Variants in IKZF2 observed in about 807,000 individuals in gnomAD.
The protein encoded by IKZF2 is IKAROS family zinc finger 2.
In IKZF2, 15 loss-of-function variants were observed where a neutral mutation model predicts 49.2. The observed-to-expected ratio is 0.30, with a 90% CI of 0.20 to 0.47. The LOEUF (loss-of-function observed/expected upper bound fraction) is 0.47, where lower values mean the gene tolerates loss of function less well. Among genes scored for constraint, IKZF2 ranks in the 20% least tolerant of loss-of-function variants. IKZF2 has a pLI of 1.00. For missense variants in IKZF2, 567 were observed against 664.6 expected (o/e 0.85, Z 1.61); for synonymous variants, 227 against 221.4 (o/e 1.03, Z -0.23).
At chr2:213,100,819 T>C (rs2125701405) in intron 4 of IKZF2, among the ~76,000 whole-genome samples, 1 of 152,190 alleles carries the variant, frequency 6.6e-6, no homozygotes, top group East Asian at 1.9e-4. Flanking sequence ...GAAGTCCCAA[T>C]ATTATAAATC....
intron 4 of IKZF2, among the ~76,000 whole-genome samples, chr2:213,062,599 G>A (rs1574681031): frequency 2.6e-5 from 4 of 151,946 alleles, no homozygotes; most frequent in East Asian, 1.9e-4. Flanking sequence ...GAAAAAAAGT[G>A]TATTTCAGGT....
At chr2:213,109,049 A>G (rs1311734028) in intron 4 of IKZF2, among the ~76,000 whole-genome samples, 1 of 152,092 alleles carries the variant, frequency 6.6e-6, no homozygotes, top group Non-Finnish European at 1.5e-5. Flanking sequence ...CTTAAAGCAC[A>G]TGGTTTTTAA....
chr2:213,108,708 C>T (rs1045648500), intron 4 of IKZF2, among the ~76,000 whole-genome samples: 2 of 152,220 alleles, frequency 1.3e-5, no homozygotes, highest in African/African-American at 2.4e-5. Context: ...AGGTTCTACT[C>T]ATCCTACAAT....
intron 4 of IKZF2, among the ~76,000 whole-genome samples, chr2:213,095,720 A>G (rs1406166229): frequency 6.6e-6 from 1 of 152,058 alleles, no homozygotes; most frequent in Non-Finnish European, 1.5e-5. Flanking sequence ...AGTTGAACAA[A>G]TTAACATTTC....
chr2:213,075,293 T>A (rs1272399171), intron 4 of IKZF2, among the ~76,000 whole-genome samples: 1 of 152,124 alleles, frequency 6.6e-6, no homozygotes. Flanking sequence ...GTGTTTATGT[T>A]CATTAGCAAA....
intron 4 of IKZF2, among the ~76,000 whole-genome samples, chr2:213,117,379 T>C (rs1207690284): frequency 6.6e-6 from 1 of 152,220 alleles, no homozygotes; most frequent in East Asian, 1.9e-4. Flanking sequence ...TCTTCAACCC[T>C]TTAGGGCTGA....
chr2:213,050,557 CT>C (rs1574632862), intron 5 of IKZF2, among the ~76,000 whole-genome samples: 2 of 152,234 alleles, frequency 1.3e-5, no homozygotes, highest in East Asian at 3.9e-4. Context: ...CTTGATTCTC[CT>C]GGTCACTAAT....
At chr2:213,087,501 T>A (rs917073005) in intron 4 of IKZF2, among the ~76,000 whole-genome samples, 6 of 152,196 alleles carry the variant, frequency 3.9e-5, no homozygotes, top group East Asian at 1.9e-4. Context: ...TACTAATTTA[T>A]TTTTTAATTA....
At chr2:213,148,777 T>C (rs1351552809) in intron 2 of IKZF2, 133 bp from the exon 3 acceptor site, 5 of 645,186 alleles carry the variant, frequency 7.7e-6, no homozygotes, top group Non-Finnish European at 1.4e-5. Context: ...ACATACACAG[T>C]GTACTGTATG....
At chr2:213,151,215 A>G (rs2061272722) in intron 1 of IKZF2, among the ~76,000 whole-genome samples, 198 bp downstream of exon 1, 1 of 151,914 alleles carries the variant, frequency 6.6e-6, no homozygotes, top group South Asian at 2.1e-4. Context: ...AAATACCTAT[A>G]TTATTATTAT....
chr2:213,044,969 T>C (rs1183151915), intron 6 of IKZF2, among the ~76,000 whole-genome samples: 1 of 152,160 alleles, frequency 6.6e-6, no homozygotes, highest in African/African-American at 2.4e-5. Context: ...ATAGTTAATA[T>C]ACATAAAACT....
intron 4 of IKZF2, among the ~76,000 whole-genome samples, chr2:213,061,560 A>G (rs939703216): frequency 6.6e-6 from 1 of 151,516 alleles, no homozygotes; most frequent in South Asian, 2.1e-4. Flanking sequence ...AATGCACAAC[A>G]GTCATTACAT....
intron 4 of IKZF2, among the ~76,000 whole-genome samples, chr2:213,144,537 T>C (rs1291175988): frequency 1.3e-5 from 2 of 151,954 alleles, no homozygotes; most frequent in African/African-American, 4.8e-5. Context: ...TTTCATCTGA[T>C]GGGCCGAAAT....
In IKZF2 at chr2:213,000,076, G is replaced by A. The variant is rs1277310706; in HGVS notation, c.*7284C>T. On this transcript the variant is annotated 3_prime_UTR_variant, in exon 9 of 9. Transcript: ENST00000434687. ...GTCTGCAGTGATAAAACTATTTAGC[G>A]GAGGTCTCCAAATCAGTATGTAGTA... The A allele has an allele frequency of 1.3e-5, 2 of 151,752 alleles. No homozygotes were observed. Among genetic ancestry groups the A allele is most frequent in the Non-Finnish European group, 3.0e-5 (2 of 67,660 alleles). The allele number at this position is 151,752 out of a possible 1,614,324, so 9.4% of individuals were successfully genotyped here. A position where few individuals can be genotyped will look rare whatever the true frequency, so the allele number is the denominator to read the frequency against.
chr2:213,028,356 T>C (rs1574535073), intron 6 of IKZF2, among the ~76,000 whole-genome samples: 2 of 152,186 alleles, frequency 1.3e-5, no homozygotes, highest in Admixed American at 1.3e-4. Context: ...ATTTTAGGTC[T>C]ACATTTCCAA....
At chr2:213,018,718 T>C (rs528799634) in intron 7 of IKZF2, among the ~76,000 whole-genome samples, 2 of 152,306 alleles carry the variant, frequency 1.3e-5, no homozygotes, top group Non-Finnish European at 2.9e-5. Flanking sequence ...CTTCATTTCC[T>C]ACCACTCCTT....
chr2:213,056,452 G>A (rs1212072245), intron 5 of IKZF2: 17 of 304,396 alleles, frequency 5.6e-5, no homozygotes, highest in Admixed American at 1.4e-4. Flanking sequence ...ATGCATGAGT[G>A]CCATTTTGTA....
At chr2:213,151,689 C>T (rs2061284990), upstream of IKZF2, 3 of 148,914 alleles carry the variant, frequency 2.0e-5, no homozygotes, top group Admixed American at 2.0e-4. Flanking sequence ...CGGGCTCGCG[C>T]AGACGCCCGC....
At chr2:213,133,703 A>AAACTAAAT (rs1553602155) in intron 4 of IKZF2, among the ~76,000 whole-genome samples, 3 of 145,398 alleles carry the variant, frequency 2.1e-5, no homozygotes, top group Non-Finnish European at 4.5e-5. Context: ...CCGTCTCGAA[A>AAACTAAAT]AAATAAATAA....
Sources: gnomAD v4.1 joint callset for allele counts (sites outside exome capture counted in the v4.1 genomes callset) on GRCh38, gnomAD v4.1.1 for gene constraint, MANE v1.5 for transcripts, NCBI Gene and HGNC (gene_info 2026-07-23, HGNC 2026-07-21) for gene names.